Variants in TET1 observed in about 807,000 individuals in gnomAD.
TET1 encodes tet methylcytosine dioxygenase 1, also known as methylcytosine dioxygenase TET1.
TET1 carries 13 observed loss-of-function variants against 148.7 expected under a neutral mutation model. That is an observed-to-expected ratio of 0.09 (90% CI 0.06 to 0.14). The LOEUF is 0.14. Among genes scored for constraint, TET1 ranks in the 10% least tolerant of loss-of-function variants. The pLI is 1.00. For missense variants in TET1, 2,182 were observed against 2,553.8 expected (o/e 0.85, Z 3.14); for synonymous variants, 907 against 937.2 (o/e 0.97, Z 0.59).
intron 6 of TET1, among the ~76,000 whole-genome samples, chr10:68,664,392 G>T (rs2055165511): frequency 6.7e-6 from 1 of 150,000 alleles, no homozygotes; most frequent in South Asian, 2.1e-4. Flanking sequence ...CTGCCCTTTT[G>T]CTTGCCTTCT....
At chr10:68,639,219 C>A (rs866302150) in intron 3 of TET1, among the ~76,000 whole-genome samples, 13 of 150,854 alleles carry the variant, frequency 8.6e-5, no homozygotes, top group Non-Finnish European at 1.9e-4. Context: ...GTCAGGAGTG[C>A]GAGACCAGCC....
chr10:68,681,777 G>A (rs1251064170), intron 9 of TET1, among the ~76,000 whole-genome samples: 1 of 152,020 alleles, frequency 6.6e-6, no homozygotes, highest in African/African-American at 2.4e-5. Context: ...GAATAGCCTG[G>A]CCCACATGGT....
intron 3 of TET1, among the ~76,000 whole-genome samples, chr10:68,638,763 GTT>G (rs1554940893): frequency 9.8e-6 from 1 of 102,086 alleles, no homozygotes; most frequent in Non-Finnish European, 2.0e-5. Flanking sequence ...CATGTATGGA[GTT>G]TGTGTGTGTG....
chr10:68,656,418 A>T (rs2055022915), intron 6 of TET1, among the ~76,000 whole-genome samples: 1 of 151,990 alleles, frequency 6.6e-6, no homozygotes, highest in African/African-American at 2.4e-5. Flanking sequence ...GCCTGCCACC[A>T]CACCTGGCTA....
rs897262085 is a variant in TET1, at chr10:68,632,548, G to A, written c.1969-12150G>A. 15 of 1,610,036 alleles carry A rather than the reference G, an allele frequency of 9.3e-6. No homozygotes were observed. In the African/African-American group the frequency reaches 2.0e-4, roughly 22 times the overall value. ...CACTAGTAGAATTAGAAGATCATGT[G>A]ATGTTGGAGTAGGGGGGTTTATCTT... On this transcript the variant is annotated intron_variant, in intron 3 of 11. Transcript: ENST00000373644.
chr10:68,646,653 G>A lies in TET1; in HGVS notation c.3924G>A (p.Gln1308=), dbSNP rs2133094447. ...CCCAGCCCTCCTCTCCACCTAACCA[G>A]TGTGCTAACGTGATGGCAGGCGATG... The part of the protein sequence containing the change: ...PLTQPSSPPN[Q]CANVMAGDDQ... Residue 1308 remains glutamine (Q), a synonymous_variant, in exon 4 of 12, where the codon CAG becomes CAA. Coordinates refer to ENST00000373644, the MANE Select transcript of TET1 (RefSeq NM_030625.3). 2 of 1,614,132 alleles carry A rather than the reference G, an allele frequency of 1.2e-6. No homozygotes were observed. The highest frequency in any genetic ancestry group is 1.7e-6 in the Non-Finnish European group (2 of 1,180,016).
intron 10 of TET1, among the ~76,000 whole-genome samples, chr10:68,686,069 GT>G (rs2055504431): frequency 6.6e-6 from 1 of 152,100 alleles, no homozygotes; most frequent in South Asian, 2.1e-4. Flanking sequence ...AAGATGAAAT[GT>G]AACAAGAATG....
chr10:68,577,639 C>G (rs1239212750), intron 2 of TET1, among the ~76,000 whole-genome samples: 2 of 152,130 alleles, frequency 1.3e-5, no homozygotes, highest in Non-Finnish European at 2.9e-5. Context: ...GAAACCCTGT[C>G]TCTACTAAAA....
At chr10:68,611,825 T>A (rs2132926809) in intron 3 of TET1, among the ~76,000 whole-genome samples, 2 of 111,922 alleles carry the variant, frequency 1.8e-5, no homozygotes, top group South Asian at 6.6e-4. Context: ...TCAGTCTCCA[T>A]GAGTAGCTCG....
chr10:68,574,162 C>A lies in TET1; in HGVS notation c.1824C>A (p.Tyr608Ter). The change falls in exon 2 of 12, where the codon TAC becomes TAA. Residue 608 changes from tyrosine to a stop codon, truncating the protein, a stop_gained. Coordinates refer to ENST00000373644, the MANE Select transcript of TET1 (RefSeq NM_030625.3). LOFTEE classifies it high-confidence loss of function. ...QQKTNCGECT[Y>*]CKNRKNSHQI... ...AGACCAACTGTGGTGAATGCACTTACTGCAAGAACAGAAAGAACAGCCATC... is the reference window on the plus strand; with the variant it reads ...AGACCAACTGTGGTGAATGCACTTAATGCAAGAACAGAAAGAACAGCCATC... 1 of 1,613,844 alleles carries A rather than the reference C, an allele frequency of 6.2e-7. No homozygotes were observed. The highest frequency in any genetic ancestry group is 8.5e-7 in the Non-Finnish European group (1 of 1,180,032).
At chr10:68,689,972 A>T (rs2055568111) in intron 11 of TET1, among the ~76,000 whole-genome samples, 1 of 152,162 alleles carries the variant, frequency 6.6e-6, no homozygotes, top group Non-Finnish European at 1.5e-5. Context: ...ATTTATATTC[A>T]AGTACAATAT....
chr10:68,575,386 A>AAAATAAAT (rs72033179), intron 2 of TET1, among the ~76,000 whole-genome samples: 3,249 of 148,798 alleles, frequency 0.022, 123 homozygotes, highest in African/African-American at 0.077. Context: ...CTCTGTCTCA[A>AAAATAAAT]AAATAAATAA....
intron 2 of TET1, among the ~76,000 whole-genome samples, chr10:68,595,153 GAA>G (rs113065548): frequency 7.4e-6 from 1 of 135,414 alleles, no homozygotes; most frequent in Non-Finnish European, 1.6e-5. Context: ...ACCCTATCAA[GAA>G]AAAAAAAAAA....
intron 1 of TET1, among the ~76,000 whole-genome samples, chr10:68,570,903 G>T (rs1368397661): frequency 6.6e-6 from 1 of 151,880 alleles, no homozygotes; most frequent in Non-Finnish European, 1.5e-5. Context: ...AAAGTGCTGG[G>T]ATTACAGGTG....
chr10:68,580,795 A>ATATATATAT (rs1232133553), intron 2 of TET1, among the ~76,000 whole-genome samples: 1 of 139,574 alleles, frequency 7.2e-6, no homozygotes, highest in African/African-American at 2.7e-5. Flanking sequence ...AAAAAAAAAA[A>ATATATATAT]AAAAAAAAAA....
chr10:68,595,036 A>G (rs978600581), intron 2 of TET1, among the ~76,000 whole-genome samples: 7 of 151,500 alleles, frequency 4.6e-5, no homozygotes, highest in Non-Finnish European at 1.0e-4. Context: ...GTGGTAGCAC[A>G]TGCCTATTTG....
At chr10:68,673,929 CTTTTTCTTTTTTT>C (rs1359570022) in intron 8 of TET1, among the ~76,000 whole-genome samples, 1 of 69,890 alleles carries the variant, frequency 1.4e-5, no homozygotes, top group African/African-American at 8.0e-5. Context: ...AGATTTCTTT[CTTTTTCTTTTTTT>C]TTTTTCTTTT....
At position 68,645,410 on chromosome 10, in the gene TET1, T is replaced by C; in HGVS notation, c.2681T>C (p.Ile894Thr). ...RRLTLEQVVA[I>T]EALTQLSEAP... Reference sequence around the variant, plus strand: ...TTAACATTGGAGCAAGTGGTAGCCATAGAGGCCCTGACTCAACTCTCAGAA... The same window carrying C: ...TTAACATTGGAGCAAGTGGTAGCCACAGAGGCCCTGACTCAACTCTCAGAA... The change falls in exon 4 of 12, where the codon ATA becomes ACA. Residue 894 changes from isoleucine (I) to threonine (T), a missense_variant. Physicochemically the swap from Ile to Thr is moderately conservative, Grantham distance 89. Transcript: ENST00000373644. 6.2e-7 allele frequency: 1 copy of C among 1,614,024 alleles called. No individual in the cohort carries two copies. The highest frequency in any genetic ancestry group is 8.5e-7 in the Non-Finnish European group (1 of 1,180,030).
At chr10:68,595,919 C>CATATATATATATATAT (rs374124558) in intron 2 of TET1, among the ~76,000 whole-genome samples, 18 of 34,478 alleles carry the variant, frequency 5.2e-4, no homozygotes, top group South Asian at 3.1e-3. Context: ...CCAGCCAAAA[C>CATATATATATATATAT]ATATATATAT....
Sources: allele counts gnomAD v4.1 joint callset (sites outside exome capture counted in the v4.1 genomes callset), GRCh38; gene constraint gnomAD v4.1.1; transcripts MANE v1.5; gene names NCBI Gene and HGNC (gene_info 2026-07-23, HGNC 2026-07-21).